TTC34: variants seen among roughly 807,000 people sequenced by gnomAD.
TTC34 encodes the protein tetratricopeptide repeat protein 34.
In TTC34, 44 loss-of-function variants were observed where a neutral mutation model predicts 40.7. The observed-to-expected ratio is 1.08, with a 90% CI of 0.85 to 1.39. TTC34 has a LOEUF of 1.39. TTC34 is among the 40% of genes most tolerant of loss of function. The pLI is 0.00. For missense variants in TTC34, 884 were observed against 838.0 expected (o/e 1.05, Z -0.68); for synonymous variants, 422 against 398.6 (o/e 1.06, Z -0.70).
intron 6 of TTC34, among the ~76,000 whole-genome samples, chr1:2,777,387 C>A (rs1054047861): frequency 3.3e-5 from 5 of 151,806 alleles, no homozygotes; most frequent in African/African-American, 9.7e-5. Context: ...TCCAGGGGAG[C>A]ATCTGACAGC....
intron 6 of TTC34, among the ~76,000 whole-genome samples, chr1:2,750,751 G>C (rs1641292564): frequency 7.0e-6 from 1 of 142,924 alleles, no homozygotes. Flanking sequence ...CTGATGGTCT[G>C]GAGCAGCACG....
intron 6 of TTC34, among the ~76,000 whole-genome samples, chr1:2,768,311 G>T (rs1641855739): frequency 1.3e-5 from 2 of 152,146 alleles, no homozygotes; most frequent in African/African-American, 4.8e-5. Flanking sequence ...TGTTCGCATG[G>T]GGGTGAAGGG....
At chr1:2,644,692 T>C (rs1483363221) in intron 7 of TTC34, among the ~76,000 whole-genome samples, 17 of 152,174 alleles carry the variant, frequency 1.1e-4, no homozygotes, top group Non-Finnish European at 1.9e-4. Context: ...GATGCTGAGC[T>C]ACCACACCGT....
chr1:2,637,739 T>G (rs1456260410), exon 9 of TTC34: 2 of 152,158 alleles, frequency 1.3e-5, no homozygotes, highest in Non-Finnish European at 2.9e-5. Flanking sequence ...AAACTCAGTT[T>G]AAGTCATAGA....
At chr1:2,688,830 C>A (rs1387549450) in intron 6 of TTC34, among the ~76,000 whole-genome samples, 7 of 62,450 alleles carry the variant, frequency 1.1e-4, no homozygotes, top group African/African-American at 4.6e-4. Flanking sequence ...GAGCATCTGA[C>A]AGCCTGGAAC....
In TTC34 at chr1:2,752,130, C is replaced by A. The variant is rs1430855587; in HGVS notation, c.2226+31479G>T. On this transcript the variant is annotated intron_variant, in intron 6 of 8. Transcript: ENST00000401095. ...GGACAGCCTGGAGCAACACCCACGC[C>A]CCCAGGTGCGCATGTGATGGTCTGG... Among the ~76,000 whole-genome samples the A allele has an allele frequency of 2.1e-4, 24 of 112,290 alleles. 3 individuals carry two copies. Among genetic ancestry groups the A allele is most frequent in the Non-Finnish European group, 2.8e-4 (16 of 56,958 alleles). The allele number at this position is 112,290 out of a possible 152,430, so 73.7% of individuals were successfully genotyped here. A position where few individuals can be genotyped will look rare whatever the true frequency, so the allele number is the denominator to read the frequency against.
At chr1:2,653,640 G>GCACC (rs1639231066) in intron 6 of TTC34, among the ~76,000 whole-genome samples, 1 of 146,060 alleles carries the variant, frequency 6.8e-6, no homozygotes, top group Non-Finnish European at 1.5e-5. Flanking sequence ...GCCTGGAGCA[G>GCACC]CATCCACACC....
At chr1:2,750,854 T>G (rs1229101757) in intron 6 of TTC34, among the ~76,000 whole-genome samples, 1 of 85,868 alleles carries the variant, frequency 1.2e-5, no homozygotes, top group East Asian at 4.3e-4. Context: ...CACACCCAGG[T>G]GAGCATCTGA....
chr1:2,761,121 T>A (rs1392967322), intron 6 of TTC34, among the ~76,000 whole-genome samples: 4 of 38,020 alleles, frequency 1.1e-4, no homozygotes, highest in South Asian at 1.9e-3. Context: ...CATCACATAC[T>A]CCCCCAGGTG....
At chr1:2,655,206 A>T in intron 6 of TTC34, among the ~76,000 whole-genome samples, 1 of 136,500 alleles carries the variant, frequency 7.3e-6, no homozygotes, top group African/African-American at 2.9e-5. Context: ...CTGGAACAGC[A>T]CCCACACCCC....
rs781295222 is a variant in TTC34, at chr1:2,645,557, C to G, written c.2233G>C (p.Val745Leu). 2.8e-5 allele frequency: 12 copies of G among 431,728 alleles called. No homozygotes were observed. In the South Asian group the frequency reaches 4.2e-4, roughly 15 times the overall value. 26.7% of individuals were successfully genotyped at this position (431,728 alleles called of 1,614,324 possible). Residue 745 changes from valine (V) to leucine (L), a missense_variant, in exon 7 of 9, where the codon GTG becomes CTG. Coordinates refer to ENST00000401095, the Ensembl canonical transcript of TTC34. This position sits in a 1 kb window ranked among gnomAD's most constrained non-coding sequence, Gnocchi z 4.7. ...TTCAGAGCAGAGACGATGTCGTCCA[C>G]GGCTTCCTGCAAGGAGGGAGGGCGG...
At chr1:2,653,583 CTGACATCG>C (rs1639227724) in intron 6 of TTC34, among the ~76,000 whole-genome samples, 2 of 145,368 alleles carry the variant, frequency 1.4e-5, no homozygotes, top group African/African-American at 5.2e-5. Context: ...AGGTGAGCAT[CTGACATCG>C]TGGAGCAGCA....
At chr1:2,790,381 G>T (rs566995432) in intron 2 of TTC34, 35 bp from the exon 3 acceptor site, 46 of 398,502 alleles carry the variant, frequency 1.2e-4, no homozygotes, top group African/African-American at 8.6e-4. Context: ...GTTCTGCCTG[G>T]GGGGCCGACT....
At chr1:2,638,408 T>C (rs1638832526) in exon 9 of TTC34, 1 of 152,224 alleles carries the variant, frequency 6.6e-6, no homozygotes, top group African/African-American at 2.4e-5. Context: ...CTCTACCAGT[T>C]TACTTGGTTG....
rs1298047466 is a variant in TTC34, at chr1:2,749,703, C to T, written c.2226+33906G>A. 2.8e-3 allele frequency among the ~76,000 whole-genome samples: 156 copies of T among 55,124 alleles called. 1 individual carries two copies. Among genetic ancestry groups the T allele is most frequent in the South Asian group, 3.4e-3 (4 of 1,162 alleles). 36.2% of individuals were successfully genotyped at this position (55,124 alleles called of 152,430 possible). A position where few individuals can be genotyped will look rare whatever the true frequency, so the allele number is the denominator to read the frequency against. On this transcript the variant is annotated intron_variant, in intron 6 of 8. Transcript: ENST00000401095. ...CCTGCACACCCAGGTGAGCATCTGA[C>T]AGTCTGGAACAGCACGCACAACCCC...
At position 2,692,499 on chromosome 1, in the gene TTC34, CT is replaced by C. The variant is rs1557621229; in HGVS notation, c.2227-46937del. On this transcript the variant is annotated intron_variant, in intron 6 of 8. Coordinates refer to ENST00000401095, the Ensembl canonical transcript of TTC34. ...GCATCTGACAGCCTGGAACAGCAGC[CT>C]GCACCCCCAGGTGTGCACGTGACAG... 2.5e-5 allele frequency among the ~76,000 whole-genome samples: 3 copies of C among 119,694 alleles called. 1 individual carries two copies. The highest frequency in any genetic ancestry group is 8.2e-5 in the Admixed American group (1 of 12,184). 78.5% of individuals were successfully genotyped at this position (119,694 alleles called of 152,430 possible).
intron 6 of TTC34, among the ~76,000 whole-genome samples, chr1:2,683,199 G>C: frequency 7.6e-6 from 1 of 131,464 alleles, no homozygotes; most frequent in Admixed American, 7.5e-5. Flanking sequence ...GGCCACAGGC[G>C]AGCATCTGAG....
chr1:2,647,295 A>T (rs879891190), intron 6 of TTC34, among the ~76,000 whole-genome samples: 3 of 152,148 alleles, frequency 2.0e-5, no homozygotes, highest in Non-Finnish European at 2.9e-5. Context: ...CCCACCGGTC[A>T]CTGAAGGTTT....
intron 6 of TTC34, among the ~76,000 whole-genome samples, chr1:2,773,010 A>G (rs866829833): frequency 3.6e-5 from 5 of 138,912 alleles, no homozygotes; most frequent in East Asian, 4.3e-4. Context: ...CTGGAGCAGC[A>G]CCCACACCCC....
Sources: gnomAD v4.1 joint callset for allele counts (sites outside exome capture counted in the v4.1 genomes callset) on GRCh38, gnomAD v4.1.1 for gene constraint, Gnocchi (gnomAD v3.1) non-coding constraint, MANE v1.5 for transcripts, NCBI Gene and HGNC (gene_info 2026-07-23, HGNC 2026-07-21) for gene names.